Variants in SLC4A10 observed in about 807,000 individuals in gnomAD.
SLC4A10 encodes the protein solute carrier family 4 member 10, also known as sodium-driven chloride bicarbonate exchanger.
Under a neutral mutation model 137.7 loss-of-function variants are expected in SLC4A10, and 42 were observed. The observed-to-expected ratio is 0.30, with a 90% CI of 0.24 to 0.39. The LOEUF (loss-of-function observed/expected upper bound fraction) is 0.39, where lower values mean the gene tolerates loss of function less well. SLC4A10 is among the 10% of genes least tolerant of loss of function. SLC4A10 has a pLI of 1.00. For synonymous variants in SLC4A10, 474 were observed against 464.1 expected (o/e 1.02, Z -0.27); for missense variants, 925 against 1,355.0 (o/e 0.68, Z 4.98).
At chr2:161,676,538 T>C (rs2105822298) in intron 1 of SLC4A10, among the ~76,000 whole-genome samples, 1 of 152,306 alleles carries the variant, frequency 6.6e-6, no homozygotes, top group South Asian at 2.1e-4. Flanking sequence ...TGAGACAGAT[T>C]TTTAAAACTA....
chr2:161,655,930 C>A (rs553334182), intron 1 of SLC4A10, among the ~76,000 whole-genome samples: 7 of 151,966 alleles, frequency 4.6e-5, no homozygotes, highest in South Asian at 2.1e-4. Flanking sequence ...TCTCCTCCCC[C>A]AGCCTCCTGA....
chr2:161,697,366 A>G (rs907624419), intron 1 of SLC4A10, among the ~76,000 whole-genome samples: 3 of 152,172 alleles, frequency 2.0e-5, no homozygotes, highest in Non-Finnish European at 4.4e-5. Context: ...TGTTTTAGAC[A>G]TGAAGTCCTT....
intron 2 of SLC4A10, among the ~76,000 whole-genome samples, chr2:161,800,662 C>A (rs956824697): frequency 6.6e-6 from 1 of 151,916 alleles, no homozygotes; most frequent in Non-Finnish European, 1.5e-5. Context: ...AAGGCAGTAT[C>A]GAAGAGAATG....
intron 23 of SLC4A10, among the ~76,000 whole-genome samples, chr2:161,972,048 C>T (rs1218324198): frequency 1.3e-5 from 2 of 152,140 alleles, no homozygotes; most frequent in African/African-American, 2.4e-5. Context: ...TAAGCACTGA[C>T]GGCACTGTTC....
chr2:161,910,865 G>A (rs1397596520), intron 15 of SLC4A10, among the ~76,000 whole-genome samples: 1 of 151,772 alleles, frequency 6.6e-6, no homozygotes, highest in African/African-American at 2.4e-5. Flanking sequence ...GACTAGATTT[G>A]AACCTCCTTT....
At chr2:161,670,293 T>TTCA (rs1464865275) in intron 1 of SLC4A10, among the ~76,000 whole-genome samples, 13 of 88,084 alleles carry the variant, frequency 1.5e-4, no homozygotes, top group Admixed American at 1.2e-3. Context: ...CTTCCTCCCT[T>TTCA]TCATCTTCTT....
At chr2:161,947,417 C>A in intron 16 of SLC4A10, 149 bp from the exon 17 acceptor site, 1 of 758,450 alleles carries the variant, frequency 1.3e-6, no homozygotes, top group Non-Finnish European at 2.0e-6. Context: ...ACTTGAAACT[C>A]GTAATGTAAT....
chr2:161,888,899 C>T (rs762571101), intron 10 of SLC4A10, among the ~76,000 whole-genome samples: 64 of 152,228 alleles, frequency 4.2e-4, no homozygotes, highest in Middle Eastern at 3.4e-3. Flanking sequence ...TTTGCCTATT[C>T]AGTATGATAT....
intron 1 of SLC4A10, among the ~76,000 whole-genome samples, chr2:161,713,729 C>T (rs1007048577): frequency 5.9e-5 from 9 of 151,800 alleles, no homozygotes; most frequent in Non-Finnish European, 1.0e-4. Flanking sequence ...TTTTGAATCA[C>T]GGAAGTCGCT....
At chr2:161,792,526 C>A (rs1243739577) in intron 2 of SLC4A10, among the ~76,000 whole-genome samples, 2 of 152,114 alleles carry the variant, frequency 1.3e-5, no homozygotes, top group East Asian at 3.9e-4. Context: ...TGAAGGAGAT[C>A]AACTTAGTCT....
At chr2:161,693,075 A>G (rs2042158622) in intron 1 of SLC4A10, among the ~76,000 whole-genome samples, 1 of 152,120 alleles carries the variant, frequency 6.6e-6, no homozygotes, top group African/African-American at 2.4e-5. Flanking sequence ...TGATTCTCTC[A>G]GAACTGGAGA....
intron 3 of SLC4A10, among the ~76,000 whole-genome samples, chr2:161,819,931 T>A (rs1027627020): frequency 2.5e-4 from 38 of 152,238 alleles, no homozygotes; most frequent in Non-Finnish European, 5.0e-4. Context: ...ATATGAAAGA[T>A]GATGAGGGAA....
At chr2:161,739,436 A>C in intron 1 of SLC4A10, among the ~76,000 whole-genome samples, 1 of 152,238 alleles carries the variant, frequency 6.6e-6, no homozygotes, top group East Asian at 1.9e-4. Flanking sequence ...CTTGCCTACT[A>C]TGGGACATTA....
intron 1 of SLC4A10, among the ~76,000 whole-genome samples, chr2:161,654,475 G>T (rs2037238066): frequency 6.6e-6 from 1 of 152,216 alleles, no homozygotes; most frequent in East Asian, 1.9e-4. Flanking sequence ...GTGTCATGAA[G>T]CTTTTCCTCT....
At chr2:161,937,812 T>C (rs1691855877) in intron 15 of SLC4A10, among the ~76,000 whole-genome samples, 1 of 152,102 alleles carries the variant, frequency 6.6e-6, no homozygotes, top group African/African-American at 2.4e-5. Context: ...GCAATCTAGG[T>C]TCCCCTGAAA....
intron 1 of SLC4A10, among the ~76,000 whole-genome samples, chr2:161,704,173 C>G (rs1431016940): frequency 6.6e-6 from 1 of 151,558 alleles, no homozygotes; most frequent in Non-Finnish European, 1.5e-5. Context: ...CAAATAGTGT[C>G]AAAAATTATG....
At chr2:161,930,940 TTTTG>T (rs1227004767) in intron 15 of SLC4A10, among the ~76,000 whole-genome samples, 2 of 109,878 alleles carry the variant, frequency 1.8e-5, no homozygotes, top group African/African-American at 8.4e-5. Flanking sequence ...TTTTGTTTTA[TTTTG>T]TTTTTTAAGA....
intron 12 of SLC4A10, among the ~76,000 whole-genome samples, chr2:161,901,676 C>T: frequency 6.6e-6 from 1 of 152,160 alleles, no homozygotes; most frequent in Admixed American, 6.5e-5. Flanking sequence ...CTCCCCTCCC[C>T]TCAAGGCCAT....
intron 15 of SLC4A10, among the ~76,000 whole-genome samples, chr2:161,924,870 C>G (rs977064229): frequency 6.6e-6 from 1 of 152,002 alleles, no homozygotes; most frequent in East Asian, 1.9e-4. Flanking sequence ...AGTAGTAAAG[C>G]AAAATGAATG....
Sources: allele counts gnomAD v4.1 joint callset (sites outside exome capture counted in the v4.1 genomes callset), GRCh38; gene constraint gnomAD v4.1.1; transcripts MANE v1.5; gene names NCBI Gene and HGNC (gene_info 2026-07-23, HGNC 2026-07-21).